UACA: variants seen among roughly 807,000 people sequenced by gnomAD.
UACA encodes uveal autoantigen with coiled-coil domains and ankyrin repeats, also known as nuclear membrane binding protein.
A neutral mutation model predicts 160.5 loss-of-function variants in UACA; 112 were observed. The observed-to-expected ratio is 0.70, with a 90% CI of 0.60 to 0.82. The LOEUF (loss-of-function observed/expected upper bound fraction) is 0.82, where lower values mean the gene tolerates loss of function less well. UACA is among the 40% of genes least tolerant of loss of function. The probability of loss-of-function intolerance (pLI) is 0.00; values close to 1 mark genes in which losing one functional copy is unlikely to be tolerated. For missense variants in UACA, 1,574 were observed against 1,614.6 expected (o/e 0.97, Z 0.43); for synonymous variants, 557 against 568.4 (o/e 0.98, Z 0.29).
At chr15:70,764,587 G>A (rs1050370266), upstream of UACA, among the ~76,000 whole-genome samples, 5 of 152,164 alleles carry the variant, frequency 3.3e-5, no homozygotes, top group South Asian at 6.2e-4. Context: ...TGTCTGAAAG[G>A]TCAGTTGCTC....
chr15:70,777,543 A>G, the UACA span, among the ~76,000 whole-genome samples: 2 of 152,344 alleles, frequency 1.3e-5, no homozygotes, highest in African/African-American at 4.8e-5. Flanking sequence ...CAACGAAGAA[A>G]AAGGAAAACC....
intron 2 of UACA, among the ~76,000 whole-genome samples, chr15:70,698,595 C>T (rs1402919620): frequency 6.6e-6 from 1 of 152,094 alleles, no homozygotes; most frequent in Non-Finnish European, 1.5e-5. Flanking sequence ...ATATTTAATA[C>T]CTAAGCATTC....
At chr15:70,756,959 TATC>T (rs754889419) in intron 1 of UACA, among the ~76,000 whole-genome samples, 40 of 152,222 alleles carry the variant, frequency 2.6e-4, no homozygotes, top group Non-Finnish European at 5.0e-4. Flanking sequence ...AATAATTCGA[TATC>T]ATCAAGTATC....
At chr15:70,714,440 T>C (rs1595905954) in intron 1 of UACA, among the ~76,000 whole-genome samples, 1 of 152,194 alleles carries the variant, frequency 6.6e-6, no homozygotes, top group African/African-American at 2.4e-5. Flanking sequence ...CATTCACTTC[T>C]GTTATCCTTC....
In UACA at chr15:70,666,948, T is replaced by C; in HGVS notation, c.3736A>G (p.Lys1246Glu). The change falls in exon 16 of 19, where the codon AAA becomes GAA. Residue 1246 changes from lysine (K) to glutamate (E), a missense_variant. Physicochemically the swap from Lys to Glu is moderately conservative, Grantham distance 56. Coordinates refer to ENST00000322954, the MANE Select transcript of UACA (RefSeq NM_018003.4). ...LETQISSLNEKLANLNRKYEE... is the reference protein window; with the variant it reads ...LETQISSLNEELANLNRKYEE... ...TACTTTCTATTCAGATTGGCCAATT[T>C]TTCATTTAAGCTAGAAATCTGTGTC... 6.2e-7 allele frequency: 1 copy of C among 1,612,168 alleles called. No homozygotes were observed. Among genetic ancestry groups the C allele is most frequent in the Non-Finnish European group, 8.5e-7 (1 of 1,179,652 alleles).
At chr15:70,702,452 T>C in intron 1 of UACA, 1 of 370,218 alleles carries the variant, frequency 2.7e-6, no homozygotes, top group African/African-American at 2.2e-5. Flanking sequence ...ATGCTTTTCC[T>C]CTGAGTAATA....
rs1896465904 is a variant in UACA at position 70,656,021 on chromosome 15, C to T, written c.*1035G>A. On this transcript the variant is annotated 3_prime_UTR_variant, in exon 19 of 19. Coordinates refer to ENST00000322954, the MANE Select transcript of UACA (RefSeq NM_018003.4). ...TCAGAGTATTTACTATAAACATGTC[C>T]ACTTATGTTATTTTATTGCTATCTA... The T allele has an allele frequency of 2.0e-5, 3 of 152,056 alleles. No homozygotes were observed. Among genetic ancestry groups the T allele is most frequent in the Non-Finnish European group, 4.4e-5 (3 of 67,998 alleles). 9.4% of individuals were successfully genotyped at this position (152,056 alleles called of 1,614,324 possible).
intron 2 of UACA, 108 bp downstream of exon 2, chr15:70,699,419 C>T: frequency 1.5e-6 from 2 of 1,313,332 alleles, no homozygotes; most frequent in South Asian, 2.9e-5. Context: ...CAGGTTTTGG[C>T]AGAATTTCTT....
intron 1 of UACA, chr15:70,749,383 G>A (rs1051630418): frequency 1.3e-4 from 24 of 189,232 alleles, no homozygotes; most frequent in Non-Finnish European, 3.4e-5. Flanking sequence ...AAAATTAGCC[G>A]GGCGCGGTGG....
intron 17 of UACA, among the ~76,000 whole-genome samples, chr15:70,663,392 C>T (rs1896788264): frequency 6.6e-6 from 1 of 152,150 alleles, no homozygotes; most frequent in Non-Finnish European, 1.5e-5. Flanking sequence ...GAAATAGGAA[C>T]ACTTTTACAC....
chr15:70,699,021 T>G (rs113782744), intron 2 of UACA, among the ~76,000 whole-genome samples: 1 of 152,328 alleles, frequency 6.6e-6, no homozygotes, highest in African/African-American at 2.4e-5. Context: ...GCCTCCTTTC[T>G]GCTCTAAGCA....
At chr15:70,678,018 T>A in intron 11 of UACA, 81 bp downstream of exon 11, 1 of 1,099,096 alleles carries the variant, frequency 9.1e-7, no homozygotes, top group Non-Finnish European at 1.3e-6. Context: ...GAGCTAATTT[T>A]ACCTTCTTTA....
intron 1 of UACA, among the ~76,000 whole-genome samples, chr15:70,736,068 T>C (rs1338139302): frequency 6.6e-6 from 1 of 152,218 alleles, no homozygotes; most frequent in Non-Finnish European, 1.5e-5. Context: ...TTGAATTTAA[T>C]GTTGGGATTA....
intron 1 of UACA, among the ~76,000 whole-genome samples, chr15:70,758,052 A>C (rs2030532886): frequency 6.6e-6 from 1 of 152,216 alleles, no homozygotes; most frequent in African/African-American, 2.4e-5. Context: ...AATTTGAACA[A>C]TGCATATGAT....
intron 1 of UACA, among the ~76,000 whole-genome samples, chr15:70,723,663 C>T (rs373797221): frequency 2.7e-5 from 4 of 148,486 alleles, no homozygotes; most frequent in African/African-American, 1.0e-4. Flanking sequence ...GACGGAGTCT[C>T]GCTCTGTCGC....
At chr15:70,760,767 A>G (rs925802316) in intron 1 of UACA, among the ~76,000 whole-genome samples, 12 of 150,602 alleles carry the variant, frequency 8.0e-5, no homozygotes, top group Non-Finnish European at 1.6e-4. Context: ...AGATGGTCCC[A>G]TTGCACTCCA....
chr15:70,754,185 C>T (rs1415492472), intron 1 of UACA: 18 of 455,666 alleles, frequency 4.0e-5, no homozygotes, highest in Middle Eastern at 3.2e-4. Context: ...CATTCACCTG[C>T]GCTCTCTCAA....
chr15:70,729,855 C>A (rs1454778728), intron 1 of UACA, among the ~76,000 whole-genome samples: 1 of 127,732 alleles, frequency 7.8e-6, no homozygotes, highest in African/African-American at 3.7e-5. Context: ...AGCAGCCTAA[C>A]TGGGAGGCAC....
chr15:70,727,185 C>T (rs1364403531), intron 1 of UACA, among the ~76,000 whole-genome samples: 2 of 151,930 alleles, frequency 1.3e-5, no homozygotes. Context: ...TAAAAAGATC[C>T]AACAGTATAA....
Sources: gnomAD v4.1 joint callset for allele counts (sites outside exome capture counted in the v4.1 genomes callset) on GRCh38, gnomAD v4.1.1 for gene constraint, MANE v1.5 for transcripts, NCBI Gene and HGNC (gene_info 2026-07-23, HGNC 2026-07-21) for gene names.